CHL1: variants seen among roughly 807,000 people sequenced by gnomAD.
CHL1 encodes neural cell adhesion molecule L1-like protein.
Under a neutral mutation model 141.9 loss-of-function variants are expected in CHL1, and 96 were observed. The ratio of observed to expected loss-of-function variants is 0.68; its 90% confidence interval spans 0.57 to 0.80. CHL1 has a LOEUF of 0.80. Ranked by LOEUF, CHL1 falls within the 30% of genes least tolerant of loss-of-function variation. The pLI, the probability that CHL1 is intolerant of heterozygous loss-of-function variation, is 0.00. For synonymous variants in CHL1, 613 were observed against 502.2 expected (o/e 1.22, Z -2.95); for missense variants, 1,820 against 1,457.2 (o/e 1.25, Z -4.05).
At chr3:263,591 ATCAT>A (rs2125208315) in intron 2 of CHL1, among the ~76,000 whole-genome samples, 1 of 152,336 alleles carries the variant, frequency 6.6e-6, no homozygotes, top group East Asian at 1.9e-4. Flanking sequence ...ACTGCTCCAA[ATCAT>A]TCACGTATCT....
intron 2 of CHL1, among the ~76,000 whole-genome samples, chr3:298,277 T>C (rs1055984380): frequency 6.6e-6 from 1 of 152,142 alleles, no homozygotes; most frequent in African/African-American, 2.4e-5. Flanking sequence ...GGATCACAGG[T>C]CTGACCTAAT....
chr3:389,473 C>A lies in CHL1; in HGVS notation c.2469C>A (p.Asp823Glu), dbSNP rs1389923265. 5 of 1,611,970 alleles carry A rather than the reference C, an allele frequency of 3.1e-6. No homozygotes were observed. The East Asian group carries it at 8.9e-5, about 29-fold the overall frequency. The stretch of plus-strand genomic sequence containing the variant: ...CAGTGACTCTCTATTCTGGAGAAGA[C>A]TGTAAGTGATGCACCTAAAACTGCT... ...PQSVTLYSGE[D>E]YPDTAPVIHG... Residue 823 changes from aspartate (D) to glutamate (E), a missense_variant and splice_region_variant, in exon 20 of 28, where the codon GAC (aspartate) becomes GAA (glutamate). By Grantham distance (45) the Asp-to-Glu change is conservative (BLOSUM62 2). Coordinates refer to ENST00000256509, the MANE Select transcript of CHL1 (RefSeq NM_006614.4).
intron 16 of CHL1, among the ~76,000 whole-genome samples, chr3:380,320 A>G (rs529652878): frequency 1.3e-5 from 2 of 152,332 alleles, no homozygotes; most frequent in East Asian, 1.9e-4. Context: ...ATTTCTAACA[A>G]TTAGCAAATA....
chr3:328,131 T>C, intron 4 of CHL1, 36 bp from the exon 5 acceptor site: 1 of 1,526,516 alleles, frequency 6.6e-7, no homozygotes, highest in South Asian at 1.2e-5. Flanking sequence ...TATGTCATTA[T>C]TTTTCAGGAT....
intron 2 of CHL1, among the ~76,000 whole-genome samples, chr3:271,493 A>G (rs1047377487): frequency 3.3e-5 from 5 of 152,228 alleles, no homozygotes; most frequent in African/African-American, 1.2e-4. Context: ...TCTAATATAT[A>G]GTAGCTCTTA....
chr3:402,201 C>T (rs79173051), intron 27 of CHL1, among the ~76,000 whole-genome samples: 2 of 152,274 alleles, frequency 1.3e-5, no homozygotes, highest in East Asian at 1.9e-4. Flanking sequence ...ACTGTTTCTG[C>T]CCAGGTAGGA....
intron 2 of CHL1, among the ~76,000 whole-genome samples, chr3:281,129 A>C (rs1696613652): frequency 1.3e-5 from 2 of 152,168 alleles, no homozygotes; most frequent in Admixed American, 6.5e-5. Flanking sequence ...ATTCTCCTAC[A>C]ACACCCAGCA....
At chr3:334,650 A>T (rs1460490664) in intron 5 of CHL1, among the ~76,000 whole-genome samples, 1 of 152,170 alleles carries the variant, frequency 6.6e-6, no homozygotes, top group Non-Finnish European at 1.5e-5. Flanking sequence ...CACTGCATGG[A>T]TATCATTTCC....
intron 10 of CHL1, among the ~76,000 whole-genome samples, chr3:353,046 C>A (rs1042260488): frequency 2.0e-5 from 3 of 152,122 alleles, no homozygotes; most frequent in African/African-American, 4.8e-5. Flanking sequence ...AGTTAGGCAA[C>A]TTCTCCAAAG....
chr3:247,966 A>G (rs963688525), intron 2 of CHL1: 3 of 152,056 alleles, frequency 2.0e-5, no homozygotes, highest in African/African-American at 7.2e-5. Context: ...CCCTTGTCCC[A>G]GAATTAATCA....
At chr3:314,310 T>C (rs1244989515) in intron 2 of CHL1, among the ~76,000 whole-genome samples, 1 of 116,978 alleles carries the variant, frequency 8.5e-6, no homozygotes, top group African/African-American at 3.7e-5. Flanking sequence ...TCTCTCTCTT[T>C]CTCTCTCTCT....
chr3:345,784 G>A lies in CHL1; in HGVS notation c.848+1075G>A, dbSNP rs577698154. Among the ~76,000 whole-genome samples, 4 of 152,214 alleles carry A rather than the reference G, an allele frequency of 2.6e-5. No homozygotes were observed. The South Asian group carries it at 6.2e-4, about 24-fold the overall frequency. On this transcript the variant is annotated intron_variant, in intron 9 of 27. Coordinates refer to ENST00000256509, the MANE Select transcript of CHL1 (RefSeq NM_006614.4). ...AGGCATGAGCCACCGGGCCCAGCCC[G>A]CAATGCACCTTTTTAAATCCTCCAA...
Position 389,318 on chromosome 3 carries a change from G to T in CHL1, c.2314G>T (p.Ala772Ser). 4 of 1,614,086 alleles carry T rather than the reference G, an allele frequency of 2.5e-6. No homozygotes were observed. Among genetic ancestry groups the T allele is most frequent in the South Asian group, 2.2e-5 (2 of 91,068 alleles). The part of the protein sequence containing the change: ...EYRVTWKPQG[A>S]PVEWEEETVT... ...CAGAGTGACCTGGAAGCCACAGGGA[G>T]CCCCAGTGGAGTGGGAAGAAGAAAC... Residue 772 changes from alanine to serine, a missense_variant, in exon 20 of 28, where the codon GCC becomes TCC. Coordinates refer to ENST00000256509, the MANE Select transcript of CHL1 (RefSeq NM_006614.4).
chr3:274,765 T>G (rs1695942183), intron 2 of CHL1, among the ~76,000 whole-genome samples: 2 of 152,212 alleles, frequency 1.3e-5, no homozygotes, highest in South Asian at 4.1e-4. Flanking sequence ...CAGGTGTATC[T>G]GTCAAAACTG....
intron 1 of CHL1, among the ~76,000 whole-genome samples, chr3:216,927 T>A (rs1454551634): frequency 1.3e-5 from 2 of 152,208 alleles, no homozygotes; most frequent in Non-Finnish European, 1.5e-5. Context: ...ATATTTTCAC[T>A]AAGGCAGCAT....
At chr3:376,583 C>T (rs1706355055) in intron 15 of CHL1, among the ~76,000 whole-genome samples, 1 of 152,228 alleles carries the variant, frequency 6.6e-6, no homozygotes, top group South Asian at 2.1e-4. Flanking sequence ...GCCTGAAACA[C>T]CCCGTGCCAG....
At position 349,354 on chromosome 3, in the gene CHL1, TG is replaced by T. The variant is rs1340634834; in HGVS notation, c.849-4del. On this transcript the variant is annotated splice_region_variant and splice_polypyrimidine_tract_variant and intron_variant, in intron 9 of 27. Transcript: ENST00000256509. The stretch of plus-strand genomic sequence containing the variant: ...AATGTTTATTTATTTAACTATTTTT[TG>T]CAGGCCAACTCCACAGGTTGATTGG... The T allele has an allele frequency of 6.2e-7, 1 of 1,604,294 alleles. No individual in the cohort carries two copies. The highest frequency in any genetic ancestry group is 8.5e-7 in the Non-Finnish European group (1 of 1,177,130).
At chr3:401,985 C>T (rs1279026229) in intron 27 of CHL1, among the ~76,000 whole-genome samples, 6 of 152,178 alleles carry the variant, frequency 3.9e-5, no homozygotes, top group Admixed American at 3.9e-4. Context: ...GTAGCTAAAA[C>T]ATCTATAGCA....
intron 2 of CHL1, among the ~76,000 whole-genome samples, chr3:301,972 C>G (rs1698785877): frequency 6.6e-6 from 1 of 152,166 alleles, no homozygotes; most frequent in Non-Finnish European, 1.5e-5. Flanking sequence ...TTGTTCAACT[C>G]CCACTTATGC....
Sources: allele counts gnomAD v4.1 joint callset (sites outside exome capture counted in the v4.1 genomes callset), GRCh38; gene constraint gnomAD v4.1.1; transcripts MANE v1.5; gene names NCBI Gene and HGNC (gene_info 2026-07-23, HGNC 2026-07-21).